Variants in TENM3 observed in about 807,000 individuals in gnomAD.
TENM3 encodes teneurin transmembrane protein 3, also known as teneurin-3.
Under a neutral mutation model 255.1 loss-of-function variants are expected in TENM3, and 63 were observed. That is an observed-to-expected ratio of 0.25 (90% CI 0.20 to 0.30). The LOEUF (loss-of-function observed/expected upper bound fraction) is 0.30. Ranked by LOEUF, TENM3 falls within the 10% of genes least tolerant of loss-of-function variation. The pLI is 1.00. For missense variants in TENM3, 2,929 were observed against 3,461.1 expected, an observed-to-expected ratio of 0.85 and a Z score of 3.86; for synonymous variants, 1,306 against 1,322.3, an observed-to-expected ratio of 0.99 and a Z score of 0.27.
chr4:182,544,151 C>A (rs1741180031), intron 3 of TENM3, among the ~76,000 whole-genome samples: 1 of 151,940 alleles, frequency 6.6e-6, no homozygotes, highest in African/African-American at 2.4e-5. Flanking sequence ...ATATTGTATT[C>A]AGAAAGGTAT....
chr4:181,841,855 A>G, the TENM3 span, among the ~76,000 whole-genome samples: 1 of 152,178 alleles, frequency 6.6e-6, no homozygotes, highest in Non-Finnish European at 1.5e-5. Flanking sequence ...ACTGACATTT[A>G]CAAAAATAAG....
the TENM3 span, among the ~76,000 whole-genome samples, chr4:182,107,151 T>TACACACAC: frequency 0.082 from 12,015 of 145,942 alleles, 650 homozygotes; most frequent in Non-Finnish European, 0.12. Flanking sequence ...AAACAGAACA[T>TACACACAC]ACACACACAC....
At chr4:181,533,728 C>T in the TENM3 span, among the ~76,000 whole-genome samples, 2 of 151,204 alleles carry the variant, frequency 1.3e-5, no homozygotes, top group South Asian at 4.2e-4. Context: ...ATACCCCTGC[C>T]TTTAAATTAA....
At chr4:181,616,391 A>C in the TENM3 span, among the ~76,000 whole-genome samples, 1 of 147,130 alleles carries the variant, frequency 6.8e-6, no homozygotes, top group African/African-American at 2.5e-5. Context: ...TATCAATAGG[A>C]TATATATATA....
At chr4:182,548,136 G>A (rs1293926630) in intron 3 of TENM3, among the ~76,000 whole-genome samples, 3 of 152,064 alleles carry the variant, frequency 2.0e-5, no homozygotes, top group Non-Finnish European at 4.4e-5. Context: ...AGGTGGAAAA[G>A]ATCCTGTGAG....
At chr4:181,818,920 A>G in the TENM3 span, among the ~76,000 whole-genome samples, 3 of 152,158 alleles carry the variant, frequency 2.0e-5, no homozygotes, top group African/African-American at 7.2e-5. Flanking sequence ...CTCTTAATAC[A>G]TATCTCCTAC....
the TENM3 span, among the ~76,000 whole-genome samples, chr4:181,839,036 A>C: frequency 2.0e-5 from 3 of 151,576 alleles, no homozygotes; most frequent in African/African-American, 7.3e-5. Context: ...GCATTCTACA[A>C]GTTTGGGTAA....
the TENM3 span, among the ~76,000 whole-genome samples, chr4:182,101,054 A>AAGAAACAGAGGAAGGG: frequency 3.7e-5 from 1 of 26,688 alleles, no homozygotes; most frequent in Non-Finnish European, 7.9e-5. Context: ...CAAAAAAAGG[A>AAGAAACAGAGGAAGGG]AGGAAGGGAG....
At chr4:182,374,280 T>A (rs1388580935) in intron 3 of TENM3, among the ~76,000 whole-genome samples, 1 of 152,218 alleles carries the variant, frequency 6.6e-6, no homozygotes, top group African/African-American at 2.4e-5. Flanking sequence ...TGAGCTGTAT[T>A]TGAATTTCAA....
At chr4:181,624,015 G>A in the TENM3 span, among the ~76,000 whole-genome samples, 1 of 152,340 alleles carries the variant, frequency 6.6e-6, no homozygotes, top group East Asian at 1.9e-4. Flanking sequence ...AAAGAGGAGT[G>A]AAATTGCCTT....
the TENM3 span, among the ~76,000 whole-genome samples, chr4:181,598,755 C>T: frequency 8.6e-5 from 13 of 151,344 alleles, no homozygotes; most frequent in African/African-American, 3.2e-4. Context: ...CTATGAAATT[C>T]TGACCAGAAT....
chr4:182,191,195 G>A lies in TENM3; in HGVS notation c.-76+46441G>A, dbSNP rs114267744. ...GTATAAGAAGAGCTTGCATTTTGGG[G>A]CATTCATTTACGTAAAGATTGAGTC... On this transcript the variant is annotated intron_variant, in intron 1 of 2. Transcript: ENST00000512480. 1.0e-2 allele frequency among the ~76,000 whole-genome samples: 1,521 copies of A among 152,244 alleles called. 16 individuals are homozygous for A. The highest frequency in any genetic ancestry group is 0.013 in the Non-Finnish European group (916 of 68,006).
intron 3 of TENM3, among the ~76,000 whole-genome samples, chr4:182,509,937 CAAAAAAAA>C (rs55817843): frequency 9.5e-6 from 1 of 104,876 alleles, no homozygotes; most frequent in Admixed American, 1.1e-4. Flanking sequence ...AACTCTGTCT[CAAAAAAAA>C]AAAAAAAAAA....
At chr4:181,913,196 A>T in the TENM3 span, among the ~76,000 whole-genome samples, 1 of 152,218 alleles carries the variant, frequency 6.6e-6, no homozygotes, top group African/African-American at 2.4e-5. Flanking sequence ...AGCCATGTGC[A>T]CTAACGCAGA....
intron 5 of TENM3, among the ~76,000 whole-genome samples, chr4:182,641,614 A>C (rs1752322718): frequency 6.6e-6 from 1 of 150,876 alleles, no homozygotes; most frequent in Non-Finnish European, 1.5e-5. Context: ...TGCAACCTCC[A>C]CCTCATAGGT....
At chr4:182,462,498 C>T (rs182677703) in intron 3 of TENM3, among the ~76,000 whole-genome samples, 34 of 151,776 alleles carry the variant, frequency 2.2e-4, no homozygotes, top group African/African-American at 5.3e-4. Flanking sequence ...TCTGAACAGC[C>T]GCACTCAGAA....
At chr4:182,118,595 C>CT in the TENM3 span, among the ~76,000 whole-genome samples, 17 of 63,426 alleles carry the variant, frequency 2.7e-4, no homozygotes, top group African/African-American at 6.9e-4. Context: ...CCCCCTCCAC[C>CT]TTTTTTTGTA....
chr4:182,631,282 G>A (rs1751341647), intron 5 of TENM3, among the ~76,000 whole-genome samples: 1 of 152,104 alleles, frequency 6.6e-6, no homozygotes, highest in African/African-American at 2.4e-5. Flanking sequence ...TAGGAATTAA[G>A]AAGATACAAT....
Position 182,553,431 on chromosome 4 carries a change from A to G in TENM3, c.512-47493A>G, listed in dbSNP as rs547351851. Among the ~76,000 whole-genome samples, 33 of 151,440 alleles carry G rather than the reference A, an allele frequency of 2.2e-4. No individual in the cohort carries two copies. In the East Asian group the frequency reaches 5.9e-3, roughly 27 times the overall value. On this transcript the variant is annotated intron_variant, in intron 3 of 27. Transcript: ENST00000511685. ...CATTAGGAGATATACCTAATGCTAC[A>G]TGACGAGTTAATGGGTGCAGCACAC...
Sources: allele counts gnomAD v4.1 joint callset (sites outside exome capture counted in the v4.1 genomes callset), GRCh38; gene constraint gnomAD v4.1.1; transcripts MANE v1.5; gene names NCBI Gene and HGNC (gene_info 2026-07-23, HGNC 2026-07-21).